Variants in PHF11 observed in about 807,000 individuals in gnomAD.
The protein encoded by PHF11 is PHD finger protein 11.
A neutral mutation model predicts 40.5 loss-of-function variants in PHF11; 38 were observed. That is an observed-to-expected ratio of 0.94 (90% CI 0.72 to 1.23). The LOEUF is 1.23. Among genes scored for constraint, PHF11 ranks in the 50% most tolerant of loss-of-function variants. The probability of loss-of-function intolerance (pLI) is 0.00; values close to 1 mark genes in which losing one functional copy is unlikely to be tolerated. For synonymous variants in PHF11, 127 were observed against 138.2 expected (o/e 0.92, Z 0.57); for missense variants, 369 against 392.4 (o/e 0.94, Z 0.50).
At chr13:49,510,780 T>G (rs1422163866) in intron 2 of PHF11, among the ~76,000 whole-genome samples, 1 of 152,240 alleles carries the variant, frequency 6.6e-6, no homozygotes, top group African/African-American at 2.4e-5. Flanking sequence ...CCAATCGTGA[T>G]GTTTTTATTC....
intron 1 of PHF11, among the ~76,000 whole-genome samples, chr13:49,497,870 A>G (rs1958838630): frequency 6.6e-6 from 1 of 152,208 alleles, no homozygotes; most frequent in Non-Finnish European, 1.5e-5. Flanking sequence ...TATTCTCTGC[A>G]AGGAAAACTC....
chr13:49,500,164 AT>A (rs1399667986), intron 1 of PHF11, among the ~76,000 whole-genome samples: 20 of 152,134 alleles, frequency 1.3e-4, no homozygotes, highest in African/African-American at 4.8e-4. Context: ...TCTCAGTTTC[AT>A]TTGTGAGAAT....
chr13:49,517,022 C>T lies in PHF11; in HGVS notation c.325-996C>T, dbSNP rs9596129. Reference sequence around the variant, plus strand: ...TTTTGTTTAACATTGTTATCTGGTTCGAGCTTTAATCCATGTACAACTTAT... The same window carrying T: ...TTTTGTTTAACATTGTTATCTGGTTTGAGCTTTAATCCATGTACAACTTAT... On this transcript the variant is annotated intron_variant, in intron 3 of 9. Coordinates refer to ENST00000378319, the MANE Select transcript of PHF11 (RefSeq NM_001040443.3). 9.1e-3 allele frequency among the ~76,000 whole-genome samples: 1,391 copies of T among 152,064 alleles called. 17 individuals carry two copies. Among genetic ancestry groups the T allele is most frequent in the African/African-American group, 0.031 (1,280 of 41,468 alleles).
intron 3 of PHF11, among the ~76,000 whole-genome samples, chr13:49,513,485 C>T (rs1356491262): frequency 6.6e-6 from 1 of 152,006 alleles, no homozygotes; most frequent in African/African-American, 2.4e-5. Flanking sequence ...CACGGGCCAC[C>T]ATGCTCGGCA....
chr13:49,513,073 A>G lies in PHF11; in HGVS notation c.231A>G (p.Gly77=), dbSNP rs1594211435. 6.4e-7 allele frequency: 1 copy of G among 1,566,650 alleles called. No homozygotes were observed. Among genetic ancestry groups the G allele is most frequent in the Non-Finnish European group, 8.8e-7 (1 of 1,137,986 alleles). ...CCAATCTGCAGCTGTATTCTTCAGGACTTGTGGAATGTGAGGATCAGGATC... is the reference window on the plus strand; with the variant it reads ...CCAATCTGCAGCTGTATTCTTCAGGGCTTGTGGAATGTGAGGATCAGGATC... ...AHENCLLYSS[G]LVECEDQDPL... The change falls in exon 3 of 10, where the codon GGA becomes GGG. Residue 77 remains glycine, a synonymous_variant. Coordinates refer to ENST00000378319, the MANE Select transcript of PHF11 (RefSeq NM_001040443.3).
At chr13:49,496,194 A>T (rs1958803449) in intron 1 of PHF11, 99 bp downstream of exon 1, 1 of 740,012 alleles carries the variant, frequency 1.4e-6, no homozygotes, top group Non-Finnish European at 1.9e-6. Context: ...TGGGGGCCCG[A>T]CCTGCCCCTA....
At chr13:49,521,333 C>T in intron 5 of PHF11, 1 of 991,322 alleles carries the variant, frequency 1.0e-6, no homozygotes, top group Non-Finnish European at 1.2e-6. Context: ...CATTTCAGTT[C>T]TAATTAAGGC....
Position 49,522,092 on chromosome 13 carries a change from A to G in PHF11, c.555A>G (p.Ser185=). ...KRKRGRKKPL[S]GNHVQPPETM... is the part of the protein sequence containing the mutation. Reference sequence around the variant, plus strand: ...AAAGAGGAAGGAAGAAACCCCTCTCAGGCAATCATGTACAGGTAATTTGAC... The same window carrying G: ...AAAGAGGAAGGAAGAAACCCCTCTCGGGCAATCATGTACAGGTAATTTGAC... The change falls in exon 6 of 10, where the codon TCA becomes TCG. Residue 185 remains serine, a synonymous_variant. Coordinates refer to ENST00000378319, the MANE Select transcript of PHF11 (RefSeq NM_001040443.3). 1 of 1,556,078 alleles carries G rather than the reference A, an allele frequency of 6.4e-7. No individual in the cohort carries two copies. The highest frequency in any genetic ancestry group is 8.9e-7 in the Non-Finnish European group (1 of 1,128,468).
At chr13:49,496,176 T>C in intron 1 of PHF11, 81 bp downstream of exon 1, 1 of 888,638 alleles carries the variant, frequency 1.1e-6, no homozygotes, top group East Asian at 3.5e-5. Context: ...CTTCCGGTCG[T>C]GGCCGCATGG....
At chr13:49,526,532 T>C (rs41305038) in intron 9 of PHF11, 74 bp downstream of exon 9, 18,770 of 800,430 alleles carry the variant, frequency 0.023, 360 homozygotes, top group South Asian at 0.057. Context: ...CAATATACTG[T>C]ACAGGTGATA....
rs898348801 is a variant in PHF11, at chr13:49,520,811, C to A, written c.459-83C>A. 11 of 948,920 alleles carry A rather than the reference C, an allele frequency of 1.2e-5. No individual in the cohort carries two copies. The African/African-American group carries it at 1.5e-4, about 13-fold the overall frequency. The allele number at this position is 948,920 out of a possible 1,614,324, so 58.8% of individuals were successfully genotyped here. A position where few individuals can be genotyped will look rare whatever the true frequency, so the allele number is the denominator to read the frequency against. On this transcript the variant is annotated intron_variant, in intron 4 of 9. Transcript: ENST00000378319. ...CGCCGTCATGAAAAGTAGGTTGGTA[C>A]GTTTTTAATCACAAAAATAGACATA... is the stretch of plus-strand genomic sequence containing the variant.
At position 49,496,024 on chromosome 13, in the gene PHF11, G is replaced by C. The variant is rs1390118817; in HGVS notation, c.23G>C (p.Arg8Pro). The C allele has an allele frequency of 1.4e-5, 20 of 1,463,738 alleles. No individual in the cohort carries two copies. Among genetic ancestry groups the C allele is most frequent in the East Asian group, 3.1e-5 (1 of 32,054 alleles). The allele number at this position is 1,463,738 out of a possible 1,614,324, so 90.7% of individuals were successfully genotyped here. The change falls in exon 1 of 10, where the codon CGG (arginine) becomes CCG (proline). Residue 8 changes from arginine to proline, a missense_variant. Physicochemically the swap from Arg to Pro is moderately radical, Grantham distance 103. Coordinates refer to ENST00000378319, the MANE Select transcript of PHF11 (RefSeq NM_001040443.3). MAQASPP[R>P]PERVLGASSP... is the part of the protein sequence containing the mutation. ...GTCATGGCCCAGGCGTCGCCGCCCC[G>C]GCCCGAGAGGGTGCTCGGCGCCAGC...
At chr13:49,499,995 G>A (rs1958878045) in intron 1 of PHF11, among the ~76,000 whole-genome samples, 3 of 152,232 alleles carry the variant, frequency 2.0e-5, no homozygotes, top group Admixed American at 6.5e-5. Flanking sequence ...AGGGCTTTAA[G>A]AGTAGAAGCT....
At chr13:49,511,348 C>T (rs796462347) in intron 2 of PHF11, among the ~76,000 whole-genome samples, 6 of 79,140 alleles carry the variant, frequency 7.6e-5, no homozygotes, top group South Asian at 3.8e-4. Context: ...TTTTTTGAGA[C>T]GGAGTTTCGC....
chr13:49,498,104 C>T (rs1324779734), intron 1 of PHF11, among the ~76,000 whole-genome samples: 1 of 152,194 alleles, frequency 6.6e-6, no homozygotes. Context: ...TGGCCACTGG[C>T]ATGTAAATTC....
chr13:49,522,692 AC>A (rs1959194016), intron 6 of PHF11, among the ~76,000 whole-genome samples: 1 of 151,538 alleles, frequency 6.6e-6, no homozygotes, highest in Non-Finnish European at 1.5e-5. Flanking sequence ...CTTGTCAAAC[AC>A]CTCTTAATGT....
intron 2 of PHF11, among the ~76,000 whole-genome samples, chr13:49,511,306 A>G (rs1959078749): frequency 6.9e-6 from 1 of 145,122 alleles, no homozygotes; most frequent in African/African-American, 2.5e-5. Flanking sequence ...GGCCTTTCAT[A>G]ATTTCAAAAT....
At chr13:49,524,316 C>G (rs1844686480) in intron 8 of PHF11, 100 bp downstream of exon 8, 8 of 948,424 alleles carry the variant, frequency 8.4e-6, no homozygotes, top group Non-Finnish European at 1.3e-5. Context: ...CATTTTCTTC[C>G]TATACTACTT....
chr13:49,523,510 A>G, intron 7 of PHF11: 1 of 457,604 alleles, frequency 2.2e-6, no homozygotes, highest in Non-Finnish European at 3.8e-6. Flanking sequence ...TGAGCTCAGA[A>G]TCCAGCAATG....
Sources: gnomAD v4.1 joint callset for allele counts (sites outside exome capture counted in the v4.1 genomes callset) on GRCh38, gnomAD v4.1.1 for gene constraint, MANE v1.5 for transcripts, NCBI Gene and HGNC (gene_info 2026-07-23, HGNC 2026-07-21) for gene names.